RTN3: variants seen among roughly 807,000 people sequenced by gnomAD.
The protein encoded by RTN3 is reticulon 3.
Under a neutral mutation model 77.8 loss-of-function variants are expected in RTN3, and 49 were observed. The observed-to-expected ratio is 0.63, with a 90% CI of 0.50 to 0.80. RTN3 has a LOEUF of 0.80. Among genes scored for constraint, RTN3 ranks in the 30% least tolerant of loss-of-function variants. RTN3 has a pLI of 0.00. For missense variants in RTN3, 1,236 were observed against 1,211.9 expected (o/e 1.02, Z -0.29); for synonymous variants, 464 against 446.9 (o/e 1.04, Z -0.48).
At chr11:63,721,855 A>G (rs78511963) in intron 3 of RTN3, among the ~76,000 whole-genome samples, 3 of 152,318 alleles carry the variant, frequency 2.0e-5, no homozygotes, top group Admixed American at 6.5e-5. Context: ...ATCGTATACT[A>G]TAGAGATTTT....
chr11:63,696,712 A>AT (rs2134677461), intron 1 of RTN3, among the ~76,000 whole-genome samples: 2 of 146,082 alleles, frequency 1.4e-5, no homozygotes, highest in African/African-American at 2.5e-5. Flanking sequence ...CACCCAGCTA[A>AT]TTTTTGTATT....
At chr11:63,699,102 C>G (rs1942105691) in intron 1 of RTN3, among the ~76,000 whole-genome samples, 1 of 152,098 alleles carries the variant, frequency 6.6e-6, no homozygotes, top group Non-Finnish European at 1.5e-5. Context: ...AGCCTGCCAG[C>G]ATGGTGAAAC....
In RTN3 at chr11:63,719,662, C is replaced by A; in HGVS notation, c.1160C>A (p.Thr387Asn). The A allele has an allele frequency of 6.2e-7, 1 of 1,614,070 alleles. No homozygotes were observed. The highest frequency in any genetic ancestry group is 8.5e-7 in the Non-Finnish European group (1 of 1,180,006). The change falls in exon 3 of 9, where the codon ACT (threonine) becomes AAT (asparagine). Residue 387 changes from threonine (T) to asparagine (N), a missense_variant. Physicochemically the swap from Thr to Asn is moderately conservative, Grantham distance 65. Transcript: ENST00000377819. ...CTTAAAACTAGCACTCATCAGAAAA[C>A]TCCTGTATGTTCTATTGATGGGAGC... The part of the protein sequence containing the change: ...VNLKTSTHQK[T>N]PVCSIDGSTP...
At chr11:63,694,291 C>G (rs1941818906) in intron 1 of RTN3, among the ~76,000 whole-genome samples, 1 of 151,968 alleles carries the variant, frequency 6.6e-6, no homozygotes, top group Admixed American at 6.6e-5. Flanking sequence ...ATTCTCCTGC[C>G]TCAGCCTCCC....
intron 3 of RTN3, among the ~76,000 whole-genome samples, chr11:63,736,334 G>A (rs1241501237): frequency 6.6e-6 from 1 of 152,194 alleles, no homozygotes; most frequent in Admixed American, 6.5e-5. Flanking sequence ...GCATCCGCAG[G>A]TTCTGCATCC....
chr11:63,755,284 A>AT (rs1565049745), intron 7 of RTN3, among the ~76,000 whole-genome samples: 1 of 152,090 alleles, frequency 6.6e-6, no homozygotes, highest in African/African-American at 2.4e-5. Flanking sequence ...AAGATGAGTG[A>AT]TTTTTTCACT....
intron 3 of RTN3, among the ~76,000 whole-genome samples, chr11:63,748,653 C>A (rs1244461161): frequency 1.3e-5 from 2 of 148,668 alleles, no homozygotes; most frequent in African/African-American, 5.0e-5. Context: ...CCCTGCCAGC[C>A]CCACTCACTT....
rs548216030 is a variant in RTN3 at position 63,710,893 on chromosome 11, C to T, written c.199+5986C>T. Among the ~76,000 whole-genome samples the T allele has an allele frequency of 6.6e-5, 10 of 152,184 alleles. No individual in the cohort carries two copies. The South Asian group carries it at 1.7e-3, about 25-fold the overall frequency. ...TTGTGCCAAAGGCTGTCTTTGTGCT[C>T]GGTTATTAAATTGTTCAGCTGGTTG... is the stretch of plus-strand genomic sequence containing the variant. On this transcript the variant is annotated intron_variant, in intron 2 of 8. Coordinates refer to ENST00000377819, the MANE Select transcript of RTN3 (RefSeq NM_001265589.2).
chr11:63,749,201 C>G (rs2135043626), intron 3 of RTN3, among the ~76,000 whole-genome samples: 2 of 152,250 alleles, frequency 1.3e-5, no homozygotes, highest in South Asian at 4.1e-4. Context: ...CTTGCTTGAA[C>G]CCAGGAGTTA....
chr11:63,737,454 A>G (rs760553134), intron 3 of RTN3, among the ~76,000 whole-genome samples: 9 of 152,244 alleles, frequency 5.9e-5, no homozygotes, highest in Admixed American at 2.0e-4. Context: ...TACTAAAAAT[A>G]CAAAAATTAG....
intron 4 of RTN3, 47 bp downstream of exon 4, chr11:63,750,245 T>C: frequency 6.7e-7 from 1 of 1,494,136 alleles, no homozygotes. Flanking sequence ...AGTGGAAGGG[T>C]TCACTGAAGC....
intron 1 of RTN3, among the ~76,000 whole-genome samples, chr11:63,703,351 C>A (rs1379984619): frequency 6.6e-6 from 1 of 151,938 alleles, no homozygotes; most frequent in Non-Finnish European, 1.5e-5. Context: ...GTACCTCATT[C>A]TTTTTCATGG....
At chr11:63,687,009 T>A (rs958928754) in intron 1 of RTN3, among the ~76,000 whole-genome samples, 1 of 152,228 alleles carries the variant, frequency 6.6e-6, no homozygotes, top group Admixed American at 6.5e-5. Flanking sequence ...GTGTACTTTT[T>A]ATGGCTTCAT....
intron 1 of RTN3, among the ~76,000 whole-genome samples, chr11:63,688,895 T>A (rs1361164744): frequency 7.2e-5 from 11 of 152,182 alleles, no homozygotes; most frequent in Admixed American, 7.2e-4. Context: ...AAAGTTGAGC[T>A]TTCCAATTTT....
chr11:63,690,848 C>T (rs1427689797), intron 1 of RTN3, among the ~76,000 whole-genome samples: 3 of 152,128 alleles, frequency 2.0e-5, no homozygotes, highest in African/African-American at 7.2e-5. Context: ...AATTTGTCTT[C>T]TGTGACACCA....
chr11:63,754,677 A>T, intron 7 of RTN3, among the ~76,000 whole-genome samples: 1 of 101,540 alleles, frequency 9.8e-6, no homozygotes, highest in East Asian at 3.2e-4. Flanking sequence ...TCCAACCTGG[A>T]TGACAGAGCA....
chr11:63,740,316 C>G (rs904157562), intron 3 of RTN3, among the ~76,000 whole-genome samples: 1 of 151,718 alleles, frequency 6.6e-6, no homozygotes, highest in South Asian at 2.1e-4. Flanking sequence ...GAGTCTCACT[C>G]TGTCACCCAG....
At chr11:63,696,496 C>CCAG (rs2134675354) in intron 1 of RTN3, among the ~76,000 whole-genome samples, 1 of 151,784 alleles carries the variant, frequency 6.6e-6, no homozygotes, top group South Asian at 2.1e-4. Context: ...TGGCTTGAGC[C>CCAG]CAGGAGTTCA....
intron 3 of RTN3, among the ~76,000 whole-genome samples, chr11:63,733,758 G>T (rs939069037): frequency 1.3e-5 from 2 of 151,488 alleles, no homozygotes; most frequent in African/African-American, 4.9e-5. Flanking sequence ...GGCGGTGGTG[G>T]TGTGTGTCTG....
Sources: allele counts gnomAD v4.1 joint callset (sites outside exome capture counted in the v4.1 genomes callset), GRCh38; gene constraint gnomAD v4.1.1; transcripts MANE v1.5; gene names NCBI Gene and HGNC (gene_info 2026-07-23, HGNC 2026-07-21).